MICAL3: variants seen among roughly 807,000 people sequenced by gnomAD.
MICAL3 encodes [F-actin]-monooxygenase MICAL3.
In MICAL3, 62 loss-of-function variants were observed where a neutral mutation model predicts 207.4. The observed-to-expected ratio is 0.30, with a 90% CI of 0.24 to 0.37. MICAL3 has a LOEUF of 0.37. Among genes scored for constraint, MICAL3 ranks in the 10% least tolerant of loss-of-function variants. The pLI, the probability that MICAL3 is intolerant of heterozygous loss-of-function variation, is 1.00. For synonymous variants in MICAL3, 1,077 were observed against 1,069.3 expected (o/e 1.01, Z -0.14); for missense variants, 2,368 against 2,635.6 (o/e 0.90, Z 2.22).
At chr22:17,918,658 C>T (rs372954559) in intron 1 of MICAL3, among the ~76,000 whole-genome samples, 1 of 152,152 alleles carries the variant, frequency 6.6e-6, no homozygotes, top group Non-Finnish European at 1.5e-5. Flanking sequence ...CCCATACACA[C>T]GCCTTCCCTC....
At chr22:17,891,713 T>C (rs1930405825) in intron 11 of MICAL3, 81 bp from the exon 12 acceptor site, 2 of 1,397,364 alleles carry the variant, frequency 1.4e-6, no homozygotes, top group Non-Finnish European at 2.0e-6. Context: ...AGGACACATG[T>C]CCCCTTTGAA....
rs1439757507 is a variant in MICAL3, at chr22:17,887,433, T to C, written c.1894A>G (p.Thr632Ala). 2.5e-6 allele frequency: 4 copies of C among 1,608,990 alleles called. No homozygotes were observed. The African/African-American group carries it at 4.0e-5, about 16-fold the overall frequency. Residue 632 changes from threonine (T) to alanine (A), a missense_variant and splice_region_variant, in exon 14 of 32, where the codon ACC becomes GCC. By Grantham distance (58) the Thr-to-Ala change is moderately conservative (BLOSUM62 0). Coordinates refer to ENST00000441493, the MANE Select transcript of MICAL3 (RefSeq NM_015241.3). The part of the protein sequence containing the change: ...MFKDSLPSSD[T>A]LDLNAEEKAV... ...TTCTCCTCGGCATTTAGGTCCAAGG[T>C]GTCTGGGAATAGAAACCAGTGATGT...
At chr22:17,995,737 C>T (rs1380828147) in intron 1 of MICAL3, among the ~76,000 whole-genome samples, 1 of 151,910 alleles carries the variant, frequency 6.6e-6, no homozygotes, top group East Asian at 1.9e-4. Context: ...TGGAACTCCT[C>T]ACCTCAGGTG....
intron 16 of MICAL3, among the ~76,000 whole-genome samples, chr22:17,874,080 C>A (rs1485850468): frequency 6.6e-6 from 1 of 152,170 alleles, no homozygotes; most frequent in South Asian, 2.1e-4. Flanking sequence ...GGGAAGCAGG[C>A]GCTCGAGGGG....
At chr22:17,927,110 T>G (rs866807545) in intron 1 of MICAL3, among the ~76,000 whole-genome samples, 1 of 152,184 alleles carries the variant, frequency 6.6e-6, no homozygotes, top group Non-Finnish European at 1.5e-5. Flanking sequence ...CCTCAGCCCA[T>G]GGTTGTCACC....
chr22:17,807,890 A>G (rs915162154), intron 29 of MICAL3, among the ~76,000 whole-genome samples: 1 of 152,248 alleles, frequency 6.6e-6, no homozygotes, highest in Non-Finnish European at 1.5e-5. Context: ...AGGAAGTAAG[A>G]GGATACTCCT....
chr22:17,803,330 C>T (rs759023004), intron 29 of MICAL3, among the ~76,000 whole-genome samples: 7 of 152,158 alleles, frequency 4.6e-5, no homozygotes, highest in Admixed American at 1.3e-4. Flanking sequence ...ACAGAGAAGC[C>T]TTTCCCTCGC....
chr22:17,951,322 T>C (rs411682), intron 1 of MICAL3, among the ~76,000 whole-genome samples: 35,538 of 151,936 alleles, frequency 0.23, 4,802 homozygotes, highest in East Asian at 0.52. Flanking sequence ...TCCACGTCCA[T>C]CTTCATGCTT....
At position 17,850,219 on chromosome 22, in the gene MICAL3, T is replaced by C. The variant is rs114798297; in HGVS notation, c.2606-8202A>G. Among the ~76,000 whole-genome samples the C allele has an allele frequency of 2.4e-3, 358 of 152,106 alleles. 1 individual carries two copies. The highest frequency in any genetic ancestry group is 8.3e-3 in the African/African-American group (343 of 41,494). On this transcript the variant is annotated intron_variant, in intron 19 of 31. Coordinates refer to ENST00000441493, the MANE Select transcript of MICAL3 (RefSeq NM_015241.3). ...AACCCAATAGGGAACAAACCAGTTC[T>C]GTACCAGGGAAAACCACCCAAATGG...
rs763858872 is a variant in MICAL3 at position 17,902,631 on chromosome 22, G to A, written c.589C>T (p.Arg197Trp). Residue 197 changes from arginine (R) to tryptophan (W), a missense_variant and splice_region_variant, in exon 4 of 32, where the codon CGG becomes TGG. Physicochemically the swap from Arg to Trp is moderately radical, Grantham distance 101. Transcript: ENST00000441493. This position sits in a 1 kb window ranked among gnomAD's most constrained non-coding sequence, Gnocchi z 4.5. ...IQPPEDQENE[R>W]IGWRALVHPK... ...TCTTCACTCCTCCAGTATAACTTACGTTCATTCTCTTGGTCCTCAGGAGGC... is the reference window on the plus strand; with the variant it reads ...TCTTCACTCCTCCAGTATAACTTACATTCATTCTCTTGGTCCTCAGGAGGC... The A allele has an allele frequency of 1.3e-5, 20 of 1,566,836 alleles. No individual in the cohort carries two copies. Among genetic ancestry groups the A allele is most frequent in the Admixed American group, 3.5e-5 (2 of 57,860 alleles).
chr22:18,011,271 C>T (rs374376785), intron 1 of MICAL3, among the ~76,000 whole-genome samples: 4 of 152,212 alleles, frequency 2.6e-5, no homozygotes, highest in African/African-American at 4.8e-5. Context: ...GCTGGCTGGG[C>T]GCAGTGGCTC....
rs933651091 is a variant in MICAL3, at chr22:17,894,029, T to A, written c.1450-125A>T. 2.3e-5 allele frequency: 16 copies of A among 683,548 alleles called. No individual in the cohort carries two copies. In the African/African-American group the frequency reaches 2.9e-4, roughly 12 times the overall value. 42.3% of individuals were successfully genotyped at this position (683,548 alleles called of 1,614,324 possible). ...AGGCTGGGTAAAGTTCAGACAGAAG[T>A]TAGGATGATGACCTTTAAATCTTTT... On this transcript the variant is annotated intron_variant, in intron 10 of 31. Coordinates refer to ENST00000441493, the MANE Select transcript of MICAL3 (RefSeq NM_015241.3).
chr22:17,836,180 C>A (rs1020439931), intron 20 of MICAL3, among the ~76,000 whole-genome samples: 1 of 152,220 alleles, frequency 6.6e-6, no homozygotes, highest in African/African-American at 2.4e-5. Flanking sequence ...TCTAAACAGA[C>A]AAGGTTTGCT....
intron 1 of MICAL3, among the ~76,000 whole-genome samples, chr22:17,940,710 C>T (rs1933768596): frequency 6.6e-6 from 1 of 151,968 alleles, no homozygotes; most frequent in Non-Finnish European, 1.5e-5. Context: ...GAAAGGGAAA[C>T]CAGGCAGAAG....
At chr22:18,003,693 T>C (rs1923190674) in intron 1 of MICAL3, among the ~76,000 whole-genome samples, 1 of 152,136 alleles carries the variant, frequency 6.6e-6, no homozygotes, top group African/African-American at 2.4e-5. Flanking sequence ...GTTCAGAACT[T>C]TTCAACCTCC....
chr22:17,893,836 G>A lies in MICAL3; in HGVS notation c.1518C>T (p.Ser506=), dbSNP rs1178651124. The change falls in exon 11 of 32, where the codon TCC becomes TCT. Residue 506 remains serine, a synonymous_variant. Coordinates refer to ENST00000441493, the MANE Select transcript of MICAL3 (RefSeq NM_015241.3). ...TGCGAGTCAATTTGGGGGTGGTTCG[G>A]GAATTCACCAGGCTCTCCATTTCCA... The part of the protein sequence containing the change: ...IHLEMESLVN[S]RTTPKLTRNE... 2 of 1,578,088 alleles carry A rather than the reference G, an allele frequency of 1.3e-6. No homozygotes were observed. The highest frequency in any genetic ancestry group is 2.7e-5 in the African/African-American group (2 of 74,232).
At chr22:17,806,288 C>T (rs545545598) in intron 29 of MICAL3, among the ~76,000 whole-genome samples, 3 of 152,324 alleles carry the variant, frequency 2.0e-5, no homozygotes, top group Non-Finnish European at 2.9e-5. Context: ...ACTGACAGCA[C>T]GCACGCCTGT....
At chr22:17,942,232 G>T (rs1933841381) in intron 1 of MICAL3, among the ~76,000 whole-genome samples, 1 of 152,192 alleles carries the variant, frequency 6.6e-6, no homozygotes. Context: ...AGCCAAGTGG[G>T]CGAAGGCAGT....
intron 1 of MICAL3, among the ~76,000 whole-genome samples, chr22:17,920,670 C>A (rs1932781788): frequency 6.6e-6 from 1 of 152,138 alleles, no homozygotes; most frequent in Admixed American, 6.6e-5. Context: ...CTCCAGAGAT[C>A]CAAAGCTACT....
Sources: gnomAD v4.1 joint callset for allele counts (sites outside exome capture counted in the v4.1 genomes callset) on GRCh38, gnomAD v4.1.1 for gene constraint, Gnocchi (gnomAD v3.1) non-coding constraint, MANE v1.5 for transcripts, NCBI Gene and HGNC (gene_info 2026-07-23, HGNC 2026-07-21) for gene names.